The following CENPK variants were observed in gnomAD, a reference collection of about 807,000 sequenced individuals.
The protein encoded by CENPK is centromere protein K.
Under a neutral mutation model 40.9 loss-of-function variants are expected in CENPK, and 46 were observed. The ratio of observed to expected loss-of-function variants is 1.13; its 90% confidence interval spans 0.89 to 1.44. The LOEUF is 1.44. Ranked by LOEUF, CENPK falls within the 40% of genes most tolerant of loss-of-function variation. The probability of loss-of-function intolerance (pLI) is 0.00; values close to 1 mark genes in which losing one functional copy is unlikely to be tolerated. For synonymous variants in CENPK, 107 were observed against 104.4 expected (o/e 1.02, Z -0.15); for missense variants, 288 against 303.5 (o/e 0.95, Z 0.38).
chr5:65,539,838 A>G (rs1747639427), intron 6 of CENPK, among the ~76,000 whole-genome samples: 1 of 152,254 alleles, frequency 6.6e-6, no homozygotes. Context: ...TGGAGGAGAT[A>G]TGACCCTCCA....
chr5:65,503,133 CAG>C, the CENPK span, among the ~76,000 whole-genome samples: 1 of 121,144 alleles, frequency 8.3e-6, no homozygotes, highest in Non-Finnish European at 1.7e-5. Context: ...TTTTTTGAGA[CAG>C]AGTCTCACTC....
intron 9 of CENPK, among the ~76,000 whole-genome samples, chr5:65,527,555 G>A (rs1226219312): frequency 4.3e-5 from 3 of 70,246 alleles, no homozygotes; most frequent in Non-Finnish European, 8.4e-5. Flanking sequence ...ATATATATAT[G>A]AACTGTTCAC....
chr5:65,519,804 T>C (rs1315540563), intron 10 of CENPK, among the ~76,000 whole-genome samples: 3 of 152,210 alleles, frequency 2.0e-5, no homozygotes, highest in Non-Finnish European at 4.4e-5. Flanking sequence ...AGTATCATAA[T>C]ATAGAATTAA....
rs751218204 is a variant in CENPK, at chr5:65,551,600, C to G, written c.205G>C (p.Ala69Pro). The change falls in exon 5 of 11, where the codon GCT (alanine) becomes CCT (proline). Residue 69 changes from alanine (A) to proline (P), a missense_variant. By Grantham distance (27) the Ala-to-Pro change is conservative. Transcript: ENST00000396679. ...TTTTTCTGCCATTGACTGAGTTCAG[C>G]GGTTAAACATTTTACTTGCATAATT... ...LLIMQVKCLT[A>P]ELSQWQKKTP... 9 of 1,570,812 alleles carry G rather than the reference C, an allele frequency of 5.7e-6. No individual in the cohort carries two copies. The highest frequency in any genetic ancestry group is 7.8e-6 in the Non-Finnish European group (9 of 1,158,170).
At chr5:65,562,462 AAAAGT>A (rs1391155551) in intron 1 of CENPK, among the ~76,000 whole-genome samples, 2 of 152,214 alleles carry the variant, frequency 1.3e-5, no homozygotes, top group African/African-American at 4.8e-5. Context: ...ATCTCAAGGC[AAAAGT>A]AGAGAAGAGA....
chr5:65,555,787 G>A (rs1431345965), intron 2 of CENPK, among the ~76,000 whole-genome samples: 1 of 152,142 alleles, frequency 6.6e-6, no homozygotes, highest in African/African-American at 2.4e-5. Context: ...TGAGAAAGAT[G>A]GTAAAAGAAA....
At chr5:65,549,042 G>A (rs957662595) in intron 5 of CENPK, among the ~76,000 whole-genome samples, 3 of 152,122 alleles carry the variant, frequency 2.0e-5, no homozygotes, top group Non-Finnish European at 4.4e-5. Flanking sequence ...ATAGCCTTAC[G>A]AAGTGTATTT....
At chr5:65,530,556 A>T (rs905449072) in intron 6 of CENPK, among the ~76,000 whole-genome samples, 3 of 152,248 alleles carry the variant, frequency 2.0e-5, no homozygotes, top group African/African-American at 7.2e-5. Context: ...AATTACAATA[A>T]GCACTAGTGT....
At chr5:65,537,833 T>C (rs1205437228) in intron 6 of CENPK, among the ~76,000 whole-genome samples, 1 of 152,200 alleles carries the variant, frequency 6.6e-6, no homozygotes, top group Non-Finnish European at 1.5e-5. Context: ...ATATTTGAGG[T>C]TGTTTTCCCT....
the CENPK span, among the ~76,000 whole-genome samples, chr5:65,508,017 T>C: frequency 6.6e-6 from 1 of 152,236 alleles, no homozygotes; most frequent in East Asian, 1.9e-4. Context: ...TGTTGTGTCT[T>C]TCTAATTACA....
intron 8 of CENPK, 114 bp downstream of exon 8, chr5:65,528,795 TAGTTAACAAA>T (rs1745202849): frequency 1.1e-6 from 1 of 893,220 alleles, no homozygotes; most frequent in South Asian, 2.0e-5. Context: ...TAATAGCTAA[TAGTTAACAAA>T]AGTTAGGGCA....
chr5:65,558,430 T>G (rs1751353497), intron 2 of CENPK, among the ~76,000 whole-genome samples: 1 of 152,002 alleles, frequency 6.6e-6, no homozygotes, highest in Admixed American at 6.6e-5. Flanking sequence ...ATATCAAGAG[T>G]GTAGATGCAG....
intron 5 of CENPK, among the ~76,000 whole-genome samples, chr5:65,547,818 C>A (rs1272029627): frequency 6.6e-6 from 1 of 152,120 alleles, no homozygotes; most frequent in African/African-American, 2.4e-5. Context: ...GCGCCCACCA[C>A]AACACCTGGC....
chr5:65,550,304 TTTTAA>T (rs1352838836), intron 5 of CENPK, among the ~76,000 whole-genome samples: 5 of 152,240 alleles, frequency 3.3e-5, no homozygotes, highest in African/African-American at 1.2e-4. Context: ...CATTTCTAGC[TTTTAA>T]TTTAAAGTTA....
At chr5:65,545,324 GCACACACACACACACACACACACA>G (rs869192025) in intron 5 of CENPK, among the ~76,000 whole-genome samples, 20 of 64,322 alleles carry the variant, frequency 3.1e-4, no homozygotes, top group Admixed American at 8.5e-4. Flanking sequence ...CTCAAAGCGC[GCACACACACACACACACACACACA>G]CACACACACA....
At chr5:65,501,188 T>G in the CENPK span, among the ~76,000 whole-genome samples, 1 of 138,760 alleles carries the variant, frequency 7.2e-6, no homozygotes, top group African/African-American at 2.7e-5. Flanking sequence ...TTTTTTTTTT[T>G]TTTTTTTTTG....
At chr5:65,552,827 A>C (rs979336793) in intron 3 of CENPK, among the ~76,000 whole-genome samples, 1 of 152,064 alleles carries the variant, frequency 6.6e-6, no homozygotes, top group Non-Finnish European at 1.5e-5. Context: ...AGATAATTGG[A>C]AAGTGGGAGA....
At chr5:65,540,925 A>C (rs1412941879) in intron 6 of CENPK, among the ~76,000 whole-genome samples, 1 of 151,302 alleles carries the variant, frequency 6.6e-6, no homozygotes, top group Non-Finnish European at 1.5e-5. Flanking sequence ...CTCCCACCTC[A>C]GCCTTCCAAG....
chr5:65,554,948 T>A lies in CENPK; in HGVS notation c.-39-2A>T, dbSNP rs1432425931. 4.3e-6 allele frequency: 5 copies of A among 1,162,248 alleles called. No individual in the cohort carries two copies. The highest frequency in any genetic ancestry group is 1.8e-5 in the Admixed American group (1 of 54,424). The allele number at this position is 1,162,248 out of a possible 1,614,324, so 72.0% of individuals were successfully genotyped here. ...GAATTTTTAGCCTTATAAGAAAAAC[T>A]AAAGCAAAAAATATTTATTCATTCA... On this transcript the variant is annotated splice_acceptor_variant, in intron 2 of 10. Coordinates refer to ENST00000396679, the MANE Select transcript of CENPK (RefSeq NM_022145.5). LOFTEE classifies it low-confidence loss of function (5UTR_SPLICE).
Sources: gnomAD v4.1 joint callset for allele counts (sites outside exome capture counted in the v4.1 genomes callset) on GRCh38, gnomAD v4.1.1 for gene constraint, MANE v1.5 for transcripts, NCBI Gene and HGNC (gene_info 2026-07-23, HGNC 2026-07-21) for gene names.